Variants in CCDC178 observed in about 807,000 individuals in gnomAD.
The protein encoded by CCDC178 is coiled-coil domain-containing protein 178.
Under a neutral mutation model 117.4 loss-of-function variants are expected in CCDC178, and 126 were observed. That is an observed-to-expected ratio of 1.07 (90% CI 0.93 to 1.24). The LOEUF (loss-of-function observed/expected upper bound fraction) is 1.24. Ranked by LOEUF, CCDC178 falls within the 50% of genes most tolerant of loss-of-function variation. The pLI is 0.00. For synonymous variants in CCDC178, 283 were observed against 313.4 expected (o/e 0.90, Z 1.02); for missense variants, 1,030 against 986.9 (o/e 1.04, Z -0.59).
At chr18:33,103,600 T>A (rs1309931881) in intron 20 of CCDC178, among the ~76,000 whole-genome samples, 2 of 150,810 alleles carry the variant, frequency 1.3e-5, no homozygotes, top group Non-Finnish European at 3.0e-5. Flanking sequence ...AAAAAAGAAA[T>A]CTTTGTGAGC....
chr18:33,130,231 T>C (rs180926905), intron 20 of CCDC178, among the ~76,000 whole-genome samples: 2 of 152,030 alleles, frequency 1.3e-5, no homozygotes, highest in African/African-American at 4.8e-5. Flanking sequence ...ATTTAAAATA[T>C]CTGTAAAAAA....
chr18:33,194,900 CAAAA>C (rs530764182), intron 20 of CCDC178, among the ~76,000 whole-genome samples: 2 of 56,116 alleles, frequency 3.6e-5, no homozygotes, highest in Non-Finnish European at 7.1e-5. Context: ...TCTGTTTCTA[CAAAA>C]AAAAAAAAAA....
chr18:33,022,776 A>G (rs1469804772), intron 21 of CCDC178, among the ~76,000 whole-genome samples: 1 of 152,174 alleles, frequency 6.6e-6, no homozygotes, highest in Non-Finnish European at 1.5e-5. Context: ...AAGTATATCA[A>G]TTAGAACGCA....
At chr18:33,368,728 T>A (rs1458911637) in intron 6 of CCDC178, among the ~76,000 whole-genome samples, 1 of 151,930 alleles carries the variant, frequency 6.6e-6, no homozygotes, top group African/African-American at 2.4e-5. Flanking sequence ...TATTTCCCTA[T>A]CTATCAATTA....
chr18:33,081,677 T>G (rs1037744810), intron 21 of CCDC178, among the ~76,000 whole-genome samples: 2 of 152,206 alleles, frequency 1.3e-5, no homozygotes, highest in African/African-American at 4.8e-5. Flanking sequence ...AATATTTTTT[T>G]CTTGAAAGAC....
At chr18:33,221,900 C>A (rs988530423) in intron 18 of CCDC178, among the ~76,000 whole-genome samples, 2 of 151,828 alleles carry the variant, frequency 1.3e-5, no homozygotes, top group Non-Finnish European at 2.9e-5. Flanking sequence ...TAGTAGTTGG[C>A]TTAAAATTTA....
At chr18:32,951,187 G>C (rs1211624367) in intron 22 of CCDC178, among the ~76,000 whole-genome samples, 1 of 152,164 alleles carries the variant, frequency 6.6e-6, no homozygotes, top group Non-Finnish European at 1.5e-5. Context: ...ATGCTGGTAT[G>C]TAATCCTACT....
intron 21 of CCDC178, among the ~76,000 whole-genome samples, chr18:33,012,508 A>G (rs2144802978): frequency 6.6e-6 from 1 of 152,310 alleles, no homozygotes; most frequent in South Asian, 2.1e-4. Context: ...CCTATATATA[A>G]TCCCCAAATC....
chr18:33,266,870 C>T (rs2059822633), intron 14 of CCDC178, 46 bp downstream of exon 14: 1 of 1,430,590 alleles, frequency 7.0e-7, no homozygotes, highest in Non-Finnish European at 9.4e-7. Flanking sequence ...TTGTATTTAA[C>T]ATATTGGATT....
intron 20 of CCDC178, among the ~76,000 whole-genome samples, chr18:33,159,632 A>C (rs1354167512): frequency 1.3e-5 from 2 of 152,090 alleles, no homozygotes; most frequent in East Asian, 1.9e-4. Context: ...GGGCCTGCTC[A>C]AATAGATCCG....
At chr18:33,359,746 C>G (rs2063101397) in intron 6 of CCDC178, among the ~76,000 whole-genome samples, 1 of 151,240 alleles carries the variant, frequency 6.6e-6, no homozygotes. Context: ...CTGATTTTAC[C>G]AAAATAGCAA....
chr18:33,397,581 T>C (rs1439448294), intron 3 of CCDC178, among the ~76,000 whole-genome samples: 1 of 152,090 alleles, frequency 6.6e-6, no homozygotes, highest in Non-Finnish European at 1.5e-5. Context: ...ATTTAAAAAA[T>C]CCAACAGTAT....
chr18:33,299,502 A>ACAC (rs2062148280), intron 11 of CCDC178, among the ~76,000 whole-genome samples: 6 of 146,100 alleles, frequency 4.1e-5, no homozygotes, highest in Admixed American at 6.9e-5. Flanking sequence ...AACTAGTATA[A>ACAC]ACACACACAC....
At chr18:33,411,740 A>G (rs2063858053) in intron 3 of CCDC178, among the ~76,000 whole-genome samples, 1 of 152,206 alleles carries the variant, frequency 6.6e-6, no homozygotes. Context: ...AGAGATATAT[A>G]CAAGAGCTGA....
chr18:32,973,747 C>T (rs2054975963), intron 22 of CCDC178, among the ~76,000 whole-genome samples: 1 of 152,016 alleles, frequency 6.6e-6, no homozygotes, highest in Admixed American at 6.6e-5. Flanking sequence ...GTTTAGGGTT[C>T]AGCATTCATT....
intron 11 of CCDC178, among the ~76,000 whole-genome samples, chr18:33,313,070 C>T (rs537172952): frequency 3.6e-4 from 55 of 152,284 alleles, no homozygotes; most frequent in Non-Finnish European, 5.7e-4. Context: ...CACTGGGATG[C>T]GCTTCACCAA....
At chr18:33,157,755 G>T (rs989560693) in intron 20 of CCDC178, among the ~76,000 whole-genome samples, 1 of 151,990 alleles carries the variant, frequency 6.6e-6, no homozygotes, top group Admixed American at 6.6e-5. Context: ...GCATTTCATG[G>T]TTTAAATATT....
At chr18:33,089,900 T>A (rs1402097937) in intron 21 of CCDC178, among the ~76,000 whole-genome samples, 1 of 146,556 alleles carries the variant, frequency 6.8e-6, no homozygotes, top group Non-Finnish European at 1.5e-5. Context: ...CTTCATGTAT[T>A]TCTAGTGTTT....
chr18:32,954,929 A>G (rs2054562453), intron 22 of CCDC178, among the ~76,000 whole-genome samples: 1 of 152,158 alleles, frequency 6.6e-6, no homozygotes, highest in Non-Finnish European at 1.5e-5. Context: ...TTAAAAAAAA[A>G]AGTCTTGTCA....
Sources: allele counts gnomAD v4.1 joint callset (sites outside exome capture counted in the v4.1 genomes callset), GRCh38; gene constraint gnomAD v4.1.1; transcripts MANE v1.5; gene names NCBI Gene and HGNC (gene_info 2026-07-23, HGNC 2026-07-21).